Variants in PCF11 observed in about 807,000 individuals in gnomAD.
PCF11 encodes pre-mRNA cleavage complex 2 protein Pcf11.
In PCF11, 19 loss-of-function variants were observed where a neutral mutation model predicts 166.1. That is an observed-to-expected ratio of 0.11 (90% CI 0.08 to 0.17). The LOEUF is 0.17. Among genes scored for constraint, PCF11 ranks in the 10% least tolerant of loss-of-function variants. The pLI is 1.00. For synonymous variants in PCF11, 663 were observed against 644.1 expected (o/e 1.03, Z -0.44); for missense variants, 1,565 against 1,855.5 (o/e 0.84, Z 2.88).
chr11:83,168,959 G>A (rs1860575103), exon 8 of PCF11: 2 of 1,613,846 alleles, frequency 1.2e-6, no homozygotes, highest in South Asian at 1.1e-5. Context: ...CCTGTGGGTG[G>A]TCTGAGGTTT....
In PCF11 at chr11:83,167,444, T is replaced by C; in HGVS notation, c.2031T>C (p.Ile677=). 6.2e-7 allele frequency: 1 copy of C among 1,605,516 alleles called. No individual in the cohort carries two copies. The highest frequency in any genetic ancestry group is 8.5e-7 in the Non-Finnish European group (1 of 1,177,104). The stretch of plus-strand genomic sequence containing the variant: ...GTGAACGTTTAGCATCTGGTGAAAT[T>C]ACACAGGATGACTTCCTTGTTGTTG... Residue 677 remains isoleucine, a synonymous_variant, in exon 7 of 16, where the codon ATT becomes ATC. Coordinates refer to ENST00000298281, the Ensembl canonical transcript of PCF11. The surrounding 1 kb of genome is among the most constrained non-coding windows in gnomAD (Gnocchi z 4.2).
chr11:83,181,329 T>A (rs1011912811), intron 12 of PCF11, 138 bp downstream of exon 12: 1 of 271,480 alleles, frequency 3.7e-6, no homozygotes, highest in African/African-American at 2.2e-5. Flanking sequence ...GAATCTAACA[T>A]TGAAATTTCC....
intron 12 of PCF11, 132 bp from the exon 13 acceptor site, chr11:83,181,722 T>C (rs1455530804): frequency 4.1e-6 from 2 of 492,208 alleles, no homozygotes; most frequent in Non-Finnish European, 6.8e-6. Context: ...TTTCAAAGTA[T>C]AATTTTAAAT....
chr11:83,170,835 A>G (rs930609098), intron 8 of PCF11, among the ~76,000 whole-genome samples: 15 of 152,262 alleles, frequency 9.9e-5, no homozygotes, highest in African/African-American at 3.4e-4. Context: ...GAAAGATTTT[A>G]AAAGTACATT....
At chr11:83,179,892 T>G (rs552710957) in intron 11 of PCF11, among the ~76,000 whole-genome samples, 7 of 151,402 alleles carry the variant, frequency 4.6e-5, no homozygotes, top group African/African-American at 1.7e-4. Flanking sequence ...CACTGCATCC[T>G]GGGTGACAGA....
intron 15 of PCF11, chr11:83,184,389 A>T: frequency 3.1e-6 from 1 of 317,962 alleles, no homozygotes; most frequent in South Asian, 3.2e-5. Context: ...TTTAACATCT[A>T]TGTAGAGATT....
At position 83,157,650 on chromosome 11, in the gene PCF11, GCCT is replaced by G. The variant is rs772346275; in HGVS notation, c.192+23_192+25del. On this transcript the variant is annotated intron_variant, in intron 1 of 15. Coordinates refer to ENST00000298281, the Ensembl canonical transcript of PCF11. Reference sequence around the variant, plus strand: ...CGCCAAGGTTTTTATACACCCCGCAGCCTCCTATTACTTCTAATACTCCCTGAT... The same window carrying G: ...CGCCAAGGTTTTTATACACCCCGCAGCCTATTACTTCTAATACTCCCTGAT... 3 of 1,608,094 alleles carry G rather than the reference GCCT, an allele frequency of 1.9e-6. No individual in the cohort carries two copies. Among genetic ancestry groups the G allele is most frequent in the East Asian group, 2.2e-5 (1 of 44,866 alleles).
chr11:83,181,884 C>T (rs1222021467), exon 13 of PCF11: 1 of 1,610,926 alleles, frequency 6.2e-7, no homozygotes, highest in South Asian at 1.1e-5. Flanking sequence ...GATAGCTGAT[C>T]TGGAAGAACG....
At chr11:83,174,460 C>G (rs970474489) in intron 9 of PCF11, among the ~76,000 whole-genome samples, 7 of 151,158 alleles carry the variant, frequency 4.6e-5, no homozygotes, top group African/African-American at 1.7e-4. Flanking sequence ...CTCAAGCAAT[C>G]CTCCCACCTC....
In PCF11 at chr11:83,168,874, C is replaced by T. The variant is rs768971938; in HGVS notation, c.2539C>T (p.Arg847Trp). The T allele has an allele frequency of 5.0e-6, 8 of 1,613,090 alleles. No individual in the cohort carries two copies. In the East Asian group the frequency reaches 1.1e-4, roughly 23 times the overall value. The change falls in exon 8 of 16, where the codon CGG (arginine) becomes TGG (tryptophan). Residue 847 changes from arginine (R) to tryptophan (W), a missense_variant. Arg to Trp is a moderately radical substitution (Grantham distance 101). Transcript: ENST00000298281. The stretch of plus-strand genomic sequence containing the variant: ...TGGTCAAGCAGGAGGAGGTGGTTTT[C>T]GGTTTGAAGGTTCCCCTGGTCTGAG...
rs976792541 is a variant in PCF11 at position 83,167,875 on chromosome 11, A to C, written c.2092+370A>C. ...TCACCCCATGAGGGCCGGAGAAGAC[A>C]TGACGAGCAAGTCTCTGCTAAAGGT... is the stretch of plus-strand genomic sequence containing the variant. On this transcript the variant is annotated intron_variant, in intron 7 of 15. Coordinates refer to ENST00000298281, the Ensembl canonical transcript of PCF11. The surrounding 1 kb of genome is among the most constrained non-coding windows in gnomAD (Gnocchi z 4.2). 2 of 1,307,434 alleles carry C rather than the reference A, an allele frequency of 1.5e-6. No homozygotes were observed. The highest frequency in any genetic ancestry group is 3.0e-5 in the African/African-American group (2 of 66,692). The allele number at this position is 1,307,434 out of a possible 1,614,324, so 81.0% of individuals were successfully genotyped here.
Position 83,168,408 on chromosome 11 carries a change from A to T in PCF11, c.2093-20A>T, listed in dbSNP as rs1283254846. On this transcript the variant is annotated intron_variant, in intron 7 of 15. Transcript: ENST00000298281. The stretch of plus-strand genomic sequence containing the variant: ...TTTTAAGATAACTTTAGTGAAAATA[A>T]TTTTTTTCCTTTTTAAAAGGTGTGC... 7.1e-6 allele frequency: 11 copies of T among 1,546,208 alleles called. No individual in the cohort carries two copies. Among genetic ancestry groups the T allele is most frequent in the South Asian group, 2.5e-5 (2 of 80,850 alleles).
intron 15 of PCF11, chr11:83,184,404 T>A (rs554112692): frequency 8.7e-6 from 3 of 343,168 alleles, no homozygotes; most frequent in Middle Eastern, 8.7e-4. Flanking sequence ...GAGATTAAAA[T>A]GTAGAAGCAT....
chr11:83,183,165 T>G, intron 15 of PCF11, 92 bp downstream of exon 15: 1 of 715,798 alleles, frequency 1.4e-6, no homozygotes, highest in Non-Finnish European at 2.3e-6. Context: ...ATATTGTTAT[T>G]TTAAACTTAA....
rs1860920909 is a variant in PCF11, at chr11:83,177,287, T to C, written c.3877+83T>C. On this transcript the variant is annotated intron_variant, in intron 10 of 15. Coordinates refer to ENST00000298281, the Ensembl canonical transcript of PCF11. ...TGATGTAATATAATGATATAAGTTA[T>C]GATAAAGGTCCTTACAATAATTGAA... 5 of 1,042,068 alleles carry C rather than the reference T, an allele frequency of 4.8e-6. No homozygotes were observed. The South Asian group carries it at 6.9e-5, about 14-fold the overall frequency. The allele number at this position is 1,042,068 out of a possible 1,614,324, so 64.6% of individuals were successfully genotyped here.
At chr11:83,160,341 T>C (rs1351957450) in intron 1 of PCF11, among the ~76,000 whole-genome samples, 1 of 143,988 alleles carries the variant, frequency 6.9e-6, no homozygotes, top group African/African-American at 2.7e-5. Context: ...TTTTTTTTTT[T>C]TTGTCTTTTT....
chr11:83,158,743 C>CT (rs1248461343), intron 1 of PCF11: 1 of 152,324 alleles, frequency 6.6e-6, no homozygotes, highest in African/African-American at 2.4e-5. Flanking sequence ...TTAAAGGCCA[C>CT]TTTAACAACA....
intron 1 of PCF11, chr11:83,158,607 T>A (rs2135411905): frequency 6.6e-6 from 1 of 152,364 alleles, no homozygotes; most frequent in East Asian, 1.9e-4. Context: ...TTAGTTACAA[T>A]GAGTTTTAAT....
At chr11:83,170,261 T>G (rs1423232048) in intron 8 of PCF11, among the ~76,000 whole-genome samples, 1 of 150,810 alleles carries the variant, frequency 6.6e-6, no homozygotes, top group Non-Finnish European at 1.5e-5. Context: ...TTCTTTTTCC[T>G]TTTTTTTTGC....
Sources: gnomAD v4.1 joint callset for allele counts (sites outside exome capture counted in the v4.1 genomes callset) on GRCh38, gnomAD v4.1.1 for gene constraint, Gnocchi (gnomAD v3.1) non-coding constraint, MANE v1.5 for transcripts, NCBI Gene and HGNC (gene_info 2026-07-23, HGNC 2026-07-21) for gene names.